Variants in DAB1 observed in about 807,000 individuals in gnomAD.
DAB1 encodes disabled homolog 1.
A neutral mutation model predicts 64.6 loss-of-function variants in DAB1; 15 were observed. The ratio of observed to expected loss-of-function variants is 0.23; its 90% confidence interval spans 0.16 to 0.36. DAB1 has a LOEUF of 0.36. Ranked by LOEUF, DAB1 falls within the 10% of genes least tolerant of loss-of-function variation. The pLI is 1.00. For synonymous variants in DAB1, 235 were observed against 251.9 expected (o/e 0.93, Z 0.64); for missense variants, 596 against 706.7 (o/e 0.84, Z 1.78).
intron 3 of DAB1, among the ~76,000 whole-genome samples, chr1:58,452,008 C>T (rs1267890275): frequency 1.3e-5 from 2 of 151,474 alleles, no homozygotes; most frequent in African/African-American, 4.9e-5. Context: ...ACCTTTGTGC[C>T]CCACCGCCCC....
chr1:57,405,466 C>A (rs1279992660), intron 1 of DAB1, among the ~76,000 whole-genome samples: 1 of 152,152 alleles, frequency 6.6e-6, no homozygotes, highest in Non-Finnish European at 1.5e-5. Flanking sequence ...AAAGAACAGG[C>A]CAGAATTCAC....
chr1:58,115,731 C>T (rs181714606), intron 5 of DAB1, among the ~76,000 whole-genome samples: 4,350 of 93,550 alleles, frequency 0.046, 208 homozygotes, highest in African/African-American at 0.12. Context: ...AGTAAACTAT[C>T]GCAAGAACAA....
At chr1:57,700,360 T>C (rs745430307) in intron 6 of DAB1, among the ~76,000 whole-genome samples, 2 of 152,222 alleles carry the variant, frequency 1.3e-5, no homozygotes, top group Non-Finnish European at 2.9e-5. Context: ...CCTTCCAGGA[T>C]AGAGAACAAA....
intron 3 of DAB1, among the ~76,000 whole-genome samples, chr1:58,393,353 A>C (rs1018592290): frequency 1.3e-5 from 2 of 152,188 alleles, no homozygotes; most frequent in Non-Finnish European, 2.9e-5. Context: ...ATGAATACAA[A>C]TCAAATAATA....
At chr1:57,034,081 C>A (rs1025983520) in intron 9 of DAB1, among the ~76,000 whole-genome samples, 11 of 152,070 alleles carry the variant, frequency 7.2e-5, no homozygotes, top group African/African-American at 2.2e-4. Context: ...GAGATCGAGA[C>A]CAGCCTGGCC....
At chr1:58,530,482 A>G in intron 1 of DAB1, 1 of 612,214 alleles carries the variant, frequency 1.6e-6, no homozygotes, top group Non-Finnish European at 2.8e-6. Context: ...GACACTAAAA[A>G]TTCGTACCCA....
intron 7 of DAB1, among the ~76,000 whole-genome samples, chr1:57,583,805 A>G (rs1016840884): frequency 2.0e-5 from 3 of 152,174 alleles, no homozygotes; most frequent in Admixed American, 6.5e-5. Flanking sequence ...TCAGGTAATC[A>G]TATCTCCATC....
At chr1:57,213,520 A>G (rs197605) in intron 2 of DAB1, among the ~76,000 whole-genome samples, 68,578 of 151,932 alleles carry the variant, frequency 0.45, 16,259 homozygotes, top group African/African-American at 0.56. Flanking sequence ...CACTTTCCCT[A>G]CAGTTCATCT....
At chr1:58,246,225 A>T (rs1402469370) in intron 4 of DAB1, among the ~76,000 whole-genome samples, 1 of 152,258 alleles carries the variant, frequency 6.6e-6, no homozygotes, top group African/African-American at 2.4e-5. Flanking sequence ...ATTAAACATC[A>T]ATCATATGCT....
At chr1:57,924,560 A>T (rs1345290865) in intron 5 of DAB1, among the ~76,000 whole-genome samples, 1 of 151,854 alleles carries the variant, frequency 6.6e-6, no homozygotes, top group Non-Finnish European at 1.5e-5. Flanking sequence ...CCTGGATTCA[A>T]GCAATTCTCC....
upstream of DAB1, among the ~76,000 whole-genome samples, chr1:57,428,148 A>T (rs1685360278): frequency 6.6e-6 from 1 of 152,190 alleles, no homozygotes; most frequent in Non-Finnish European, 1.5e-5. Flanking sequence ...AGCCTGGGCA[A>T]CAAGAGTGAA....
intron 6 of DAB1, among the ~76,000 whole-genome samples, chr1:57,803,819 G>A (rs1651240804): frequency 6.6e-6 from 1 of 152,152 alleles, no homozygotes; most frequent in Admixed American, 6.5e-5. Context: ...TGATTTTTGG[G>A]ACCATATGCC....
chr1:57,476,749 G>A (rs889194208), intron 7 of DAB1, among the ~76,000 whole-genome samples: 1 of 152,158 alleles, frequency 6.6e-6, no homozygotes, highest in Non-Finnish European at 1.5e-5. Context: ...TATAAAAAGT[G>A]ACATCCTGCA....
chr1:58,339,295 C>G (rs1195877784), intron 4 of DAB1, among the ~76,000 whole-genome samples: 1 of 152,108 alleles, frequency 6.6e-6, no homozygotes, highest in African/African-American at 2.4e-5. Context: ...AAATATTTAT[C>G]AAACTTTCTC....
intron 3 of DAB1, among the ~76,000 whole-genome samples, chr1:58,492,851 G>A (rs971959726): frequency 6.2e-4 from 95 of 152,168 alleles, no homozygotes; most frequent in African/African-American, 2.2e-3. Context: ...GAAGGAGCTG[G>A]TACCATTCCT....
intron 4 of DAB1, among the ~76,000 whole-genome samples, chr1:58,155,478 G>A (rs143517571): frequency 0.016 from 2,457 of 152,284 alleles, 21 homozygotes; most frequent in Non-Finnish European, 0.025. Context: ...TGTGAAAAAC[G>A]GGAAGCAAAC....
chr1:57,787,194 C>A (rs973930534), intron 6 of DAB1, among the ~76,000 whole-genome samples: 8 of 152,110 alleles, frequency 5.3e-5, no homozygotes, highest in African/African-American at 1.4e-4. Flanking sequence ...ATGTAAATAT[C>A]TAATATGGCC....
intron 1 of DAB1, among the ~76,000 whole-genome samples, chr1:57,410,949 T>G (rs947082587): frequency 7.9e-5 from 12 of 152,258 alleles, no homozygotes; most frequent in East Asian, 3.9e-4. Flanking sequence ...AATTTGAAAT[T>G]TTATCACCAG....
chr1:57,846,450 T>A (rs1569837976), intron 1 of DAB1, among the ~76,000 whole-genome samples: 1 of 114,564 alleles, frequency 8.7e-6, no homozygotes, highest in African/African-American at 3.3e-5. Context: ...AGAGCAAGAC[T>A]CCATCAAAAA....
Sources: allele counts gnomAD v4.1 joint callset (sites outside exome capture counted in the v4.1 genomes callset), GRCh38; gene constraint gnomAD v4.1.1; transcripts MANE v1.5; gene names NCBI Gene and HGNC (gene_info 2026-07-23, HGNC 2026-07-21).